Variants in NPC1 observed in about 807,000 individuals in gnomAD.
NPC1 encodes the protein NPC intracellular cholesterol transporter 1.
Under a neutral mutation model 140.4 loss-of-function variants are expected in NPC1, and 85 were observed. The observed-to-expected ratio is 0.61, with a 90% CI of 0.51 to 0.72. The LOEUF is 0.72. Ranked by LOEUF, NPC1 falls within the 30% of genes least tolerant of loss-of-function variation. The probability of loss-of-function intolerance (pLI) is 0.00; values close to 1 mark genes in which losing one functional copy is unlikely to be tolerated. For missense variants in NPC1, 1,504 were observed against 1,623.8 expected (o/e 0.93, Z 1.27); for synonymous variants, 656 against 624.8 (o/e 1.05, Z -0.74).
At chr18:23,545,274 G>T (rs886300579) in intron 11 of NPC1, 125 bp from the exon 12 acceptor site, 6 of 719,272 alleles carry the variant, frequency 8.3e-6, no homozygotes, top group Admixed American at 6.5e-5. Flanking sequence ...ACTGATTCTC[G>T]CTCTGTCGCC....
chr18:23,556,176 C>T (rs2058947503), intron 8 of NPC1, 67 bp downstream of exon 8: 3 of 1,401,728 alleles, frequency 2.1e-6, no homozygotes, highest in Non-Finnish European at 3.0e-6. Context: ...TAGCAGTAGT[C>T]AACATGTAAA....
intron 7 of NPC1, 128 bp from the exon 8 acceptor site, chr18:23,556,741 C>T (rs2058959118): frequency 2.0e-5 from 28 of 1,426,782 alleles, no homozygotes; most frequent in Non-Finnish European, 2.5e-5. Flanking sequence ...ACATATGAGA[C>T]CCCTGCCCTC....
chr18:23,530,638 G>A (rs1164015741), downstream of NPC1: 2 of 1,603,034 alleles, frequency 1.2e-6, no homozygotes, highest in Non-Finnish European at 1.7e-6. Flanking sequence ...AAAGACTTGG[G>A]GTAACCATAG....
At chr18:23,524,074 AG>A (rs2058223316) in intron 1 of NPC1, 1 of 1,559,936 alleles carries the variant, frequency 6.4e-7, no homozygotes, top group Non-Finnish European at 8.8e-7. Flanking sequence ...CATAAGTACC[AG>A]CATTTGCAGC....
chr18:23,586,366 G>T lies in NPC1; in HGVS notation c.-23C>A. Reference sequence around the variant, plus strand: ...CATGCTGTGGCCGCGCAAGGCTGCTGACGCCGGCGGCGTTCGGCTGGTTGG... The same window carrying T: ...CATGCTGTGGCCGCGCAAGGCTGCTTACGCCGGCGGCGTTCGGCTGGTTGG... On this transcript the variant is annotated 5_prime_UTR_variant, in exon 1 of 25. Coordinates refer to ENST00000269228, the MANE Select transcript of NPC1 (RefSeq NM_000271.5). 6.5e-7 allele frequency: 1 copy of T among 1,531,606 alleles called. No homozygotes were observed. Among genetic ancestry groups the T allele is most frequent in the South Asian group, 1.2e-5 (1 of 83,616 alleles). 94.9% of individuals were successfully genotyped at this position (1,531,606 alleles called of 1,614,324 possible).
chr18:23,570,832 G>C (rs1027408918), intron 3 of NPC1, among the ~76,000 whole-genome samples: 2 of 152,164 alleles, frequency 1.3e-5, no homozygotes, highest in East Asian at 3.9e-4. Context: ...AACTAAGTTT[G>C]ACAAAACCAG....
At chr18:23,555,425 G>A (rs771471200) in intron 8 of NPC1, among the ~76,000 whole-genome samples, 2 of 152,238 alleles carry the variant, frequency 1.3e-5, no homozygotes, top group Non-Finnish European at 1.5e-5. Flanking sequence ...CAGAGAAGAT[G>A]ATCTTGGAGG....
chr18:23,553,566 G>C (rs560538302), intron 9 of NPC1, among the ~76,000 whole-genome samples: 1 of 152,160 alleles, frequency 6.6e-6, no homozygotes. Context: ...AGAAGTAGTC[G>C]GCTGAGCAGT....
At chr18:23,552,311 T>G (rs1279498180) in intron 9 of NPC1, among the ~76,000 whole-genome samples, 1 of 151,914 alleles carries the variant, frequency 6.6e-6, no homozygotes, top group East Asian at 1.9e-4. Context: ...ATAATAATAA[T>G]TCAAAGAAAA....
At chr18:23,540,575 A>T (rs1265105613) in intron 16 of NPC1, 38 bp from the exon 17 acceptor site, 1 of 1,373,928 alleles carries the variant, frequency 7.3e-7, no homozygotes, top group Non-Finnish European at 1.0e-6. Flanking sequence ...GAGACTGCTT[A>T]GTAAATAAGC....
intron 11 of NPC1, among the ~76,000 whole-genome samples, chr18:23,546,117 A>C (rs4800490): frequency 0.57 from 86,206 of 151,356 alleles, 25,581 homozygotes; most frequent in East Asian, 0.91. Flanking sequence ...GGCGTGGTGG[A>C]AGGTGCCTGT....
rs756149557 is a variant in NPC1, at chr18:23,538,534, G to C, written c.3041+8C>G. On this transcript the variant is annotated splice_region_variant and intron_variant, in intron 20 of 24. Coordinates refer to ENST00000269228, the MANE Select transcript of NPC1 (RefSeq NM_000271.5). Reference sequence around the variant, plus strand: ...TGGATGCTTATCTGCAATGGCAGCAGCACTTACCCTTTGCCACACTTGGGG... The same window carrying C: ...TGGATGCTTATCTGCAATGGCAGCACCACTTACCCTTTGCCACACTTGGGG... 17 of 1,614,008 alleles carry C rather than the reference G, an allele frequency of 1.1e-5. No individual in the cohort carries two copies. The Admixed American group carries it at 2.8e-4, about 27-fold the overall frequency.
intron 4 of NPC1, among the ~76,000 whole-genome samples, chr18:23,562,228 G>A (rs993947419): frequency 1.1e-4 from 17 of 150,922 alleles, no homozygotes; most frequent in Non-Finnish European, 2.2e-4. Flanking sequence ...GGCAGAGCTT[G>A]AAGTGAGCCA....
At chr18:23,510,019 T>TAAAAA (rs531660350) in intron 3 of NPC1, among the ~76,000 whole-genome samples, 1 of 132,312 alleles carries the variant, frequency 7.6e-6, no homozygotes, top group Non-Finnish European at 1.6e-5. Context: ...AGTAATAAAT[T>TAAAAA]AAAAAAAAAA....
rs1046917665 is a variant in NPC1 at position 23,509,576 on chromosome 18, T to A, written c.432-2934A>T. On this transcript the variant is annotated intron_variant, in intron 3 of 3. Coordinates refer to the NPC1 transcript ENST00000591107. ...ATTTTATTTTATTTTATTTTATTTTTGAGACGGAGTTTCGCTCTTGTTGCC... is the reference window on the plus strand; with the variant it reads ...ATTTTATTTTATTTTATTTTATTTTAGAGACGGAGTTTCGCTCTTGTTGCC... 1.0e-4 allele frequency: 16 copies of A among 156,736 alleles called. No homozygotes were observed. The East Asian group carries it at 2.3e-3, about 23-fold the overall frequency. 9.7% of individuals were successfully genotyped at this position (156,736 alleles called of 1,614,324 possible). A position where few individuals can be genotyped will look rare whatever the true frequency, so the allele number is the denominator to read the frequency against.
chr18:23,573,909 T>C (rs1436209423), intron 1 of NPC1, among the ~76,000 whole-genome samples: 1 of 152,170 alleles, frequency 6.6e-6, no homozygotes, highest in Non-Finnish European at 1.5e-5. Flanking sequence ...TAAAGCACTA[T>C]TTTTGCACAT....
At chr18:23,567,668 G>A (rs1246219232) in intron 4 of NPC1, among the ~76,000 whole-genome samples, 11 of 152,262 alleles carry the variant, frequency 7.2e-5, no homozygotes, top group African/African-American at 2.6e-4. Flanking sequence ...AGGTTTATAT[G>A]CATTTAGAGT....
intron 14 of NPC1, 83 bp downstream of exon 14, chr18:23,543,372 A>G: frequency 1.2e-6 from 1 of 800,004 alleles, no homozygotes; most frequent in South Asian, 1.4e-5. Context: ...GAAGCAACAC[A>G]AAGGGACATG....
chr18:23,531,491 C>A lies in NPC1; in HGVS notation c.*711G>T. On this transcript the variant is annotated 3_prime_UTR_variant, in exon 25 of 25. Transcript: ENST00000269228. ...TGTCTCTCAAAGCAGATAGGGTAAC[C>A]CCAAAACTTAGGAAAACAATGTATT... 1 of 1,461,852 alleles carries A rather than the reference C, an allele frequency of 6.8e-7. No homozygotes were observed. Among genetic ancestry groups the A allele is most frequent in the Non-Finnish European group, 9.0e-7 (1 of 1,113,550 alleles). The allele number at this position is 1,461,852 out of a possible 1,614,324, so 90.6% of individuals were successfully genotyped here.
Sources: allele counts gnomAD v4.1 joint callset (sites outside exome capture counted in the v4.1 genomes callset), GRCh38; gene constraint gnomAD v4.1.1; transcripts MANE v1.5; gene names NCBI Gene and HGNC (gene_info 2026-07-23, HGNC 2026-07-21).